COL22A1: variants seen among roughly 807,000 people sequenced by gnomAD.
The protein encoded by COL22A1 is collagen alpha-1(XXII) chain.
COL22A1 carries 221 observed loss-of-function variants against 248.9 expected under a neutral mutation model. That is an observed-to-expected ratio of 0.89 (90% CI 0.80 to 0.99). The LOEUF (loss-of-function observed/expected upper bound fraction) is 0.99. COL22A1 is among the 50% of genes least tolerant of loss of function. The pLI, the probability that COL22A1 is intolerant of heterozygous loss-of-function variation, is 0.00. For synonymous variants in COL22A1, 891 were observed against 793.4 expected, an observed-to-expected ratio of 1.12 and a Z score of -2.07; for missense variants, 2,240 against 2,179.0, an observed-to-expected ratio of 1.03 and a Z score of -0.56.
chr8:138,801,827 C>A (rs1216929742), intron 11 of COL22A1, among the ~76,000 whole-genome samples: 1 of 151,700 alleles, frequency 6.6e-6, no homozygotes, highest in African/African-American at 2.4e-5. Flanking sequence ...TTGCAGTGAG[C>A]AAAGATCATG....
chr8:138,676,179 A>C (rs1249038797), intron 41 of COL22A1, among the ~76,000 whole-genome samples: 1 of 151,876 alleles, frequency 6.6e-6, no homozygotes, highest in East Asian at 1.9e-4. Flanking sequence ...GGTGGATCAC[A>C]AGGTCAGGAG....
Position 138,778,381 on chromosome 8 carries a change from G to C in COL22A1, c.1730C>G (p.Pro577Arg). Reference sequence around the variant, plus strand: ...AGCTCCGACACGTCCAGGAGGTCCGGGGAGTCCAGGTGGTCCTTGGGGCCC... The same window carrying C: ...AGCTCCGACACGTCCAGGAGGTCCGCGGAGTCCAGGTGGTCCTTGGGGCCC... ...MRGPQGPPGL[P>R]GPPGRVGAPG... Residue 577 changes from proline (P) to arginine (R), a missense_variant, in exon 15 of 65, where the codon CCC becomes CGC. Coordinates refer to ENST00000303045, the MANE Select transcript of COL22A1 (RefSeq NM_152888.3). 1 of 1,611,088 alleles carries C rather than the reference G, an allele frequency of 6.2e-7. No individual in the cohort carries two copies. The highest frequency in any genetic ancestry group is 8.5e-7 in the Non-Finnish European group (1 of 1,179,062).
chr8:138,879,008 A>AAAAACAAAACAAAAC (rs71316369), intron 2 of COL22A1, among the ~76,000 whole-genome samples: 93 of 151,372 alleles, frequency 6.1e-4, no homozygotes, highest in South Asian at 8.4e-4. Context: ...ACTCTGTCTC[A>AAAAACAAAACAAAAC]AAAACAAAAC....
intron 47 of COL22A1, among the ~76,000 whole-genome samples, chr8:138,644,574 C>T (rs1384241657): frequency 6.6e-6 from 1 of 152,052 alleles, no homozygotes; most frequent in East Asian, 1.9e-4. Context: ...TTGGCCAACT[C>T]ACAGAGCACG....
intron 60 of COL22A1, 48 bp from the exon 61 acceptor site, chr8:138,598,946 G>T: frequency 6.3e-7 from 1 of 1,594,690 alleles, no homozygotes; most frequent in African/African-American, 1.3e-5. Flanking sequence ...GCTGGAAGCT[G>T]TACCCCATGC....
chr8:138,643,053 C>T (rs1821859437), intron 47 of COL22A1, among the ~76,000 whole-genome samples: 4 of 150,862 alleles, frequency 2.7e-5, no homozygotes, highest in Admixed American at 2.6e-4. Context: ...AAAGGCAATT[C>T]CCCCTCAGCA....
chr8:138,655,493 GGACC>G (rs1216520146), intron 45 of COL22A1, among the ~76,000 whole-genome samples: 44 of 152,138 alleles, frequency 2.9e-4, no homozygotes, highest in African/African-American at 1.0e-3. Context: ...TGAGTCGCTG[GGACC>G]ACAGGCACAT....
chr8:138,725,397 C>T lies in COL22A1; in HGVS notation c.2183G>A (p.Gly728Glu), dbSNP rs200961661. 50 of 1,614,044 alleles carry T rather than the reference C, an allele frequency of 3.1e-5. No homozygotes were observed. The Admixed American group carries it at 3.8e-4, about 12-fold the overall frequency. ...PPGVPGPPGP[G>E]GSPGLPGEIG... ...CAAAGCCAGTCTTACCGGAGAACCTCCCGGTCCAGGGGGGCCTGGGACACC... is the reference window on the plus strand; with the variant it reads ...CAAAGCCAGTCTTACCGGAGAACCTTCCGGTCCAGGGGGGCCTGGGACACC... The change falls in exon 24 of 65, where the codon GGA becomes GAA. Residue 728 changes from glycine to glutamate, a missense_variant. By Grantham distance (98) the Gly-to-Glu change is moderately conservative. Transcript: ENST00000303045.
In COL22A1 at chr8:138,715,692, C is replaced by T. The variant is rs532554832; in HGVS notation, c.2507G>A (p.Arg836Gln). The T allele has an allele frequency of 2.4e-5, 39 of 1,611,662 alleles. No individual in the cohort carries two copies. Among genetic ancestry groups the T allele is most frequent in the Admixed American group, 1.2e-4 (7 of 59,800 alleles). ...GCAAGTTTCTCCTACCTTTTCACCT[C>T]GGTCACCTTTCAGTCCTGGAAGTCC... ...ELGLPGLKGD[R>Q]GEKGEAGPAG... The change falls in exon 30 of 65, where the codon CGA (arginine) becomes CAA (glutamine). Residue 836 changes from arginine to glutamine, a missense_variant. Coordinates refer to ENST00000303045, the MANE Select transcript of COL22A1 (RefSeq NM_152888.3).
At chr8:138,597,150 C>T (rs993070822) in intron 61 of COL22A1, among the ~76,000 whole-genome samples, 180 bp from the exon 62 acceptor site, 1 of 152,172 alleles carries the variant, frequency 6.6e-6, no homozygotes, top group South Asian at 2.1e-4. Flanking sequence ...GTTATGCAGG[C>T]AGCATCATCC....
chr8:138,869,982 T>C (rs971278348), intron 3 of COL22A1, among the ~76,000 whole-genome samples: 1 of 152,142 alleles, frequency 6.6e-6, no homozygotes, highest in Non-Finnish European at 1.5e-5. Flanking sequence ...TGTATATATG[T>C]GTGTGGGGTG....
intron 30 of COL22A1, among the ~76,000 whole-genome samples, chr8:138,703,712 G>T (rs538242004): frequency 6.6e-6 from 1 of 152,288 alleles, no homozygotes; most frequent in South Asian, 2.1e-4. Context: ...CCCAGTGTGA[G>T]TAATGCAGAA....
At chr8:138,736,023 G>T (rs1234304436) in intron 23 of COL22A1, among the ~76,000 whole-genome samples, 1 of 152,138 alleles carries the variant, frequency 6.6e-6, no homozygotes, top group Admixed American at 6.5e-5. Context: ...GCAGTGACTT[G>T]TGCCCACCTG....
At chr8:138,863,690 C>T (rs1822656243) in intron 3 of COL22A1, among the ~76,000 whole-genome samples, 1 of 152,178 alleles carries the variant, frequency 6.6e-6, no homozygotes, top group Non-Finnish European at 1.5e-5. Flanking sequence ...CTGCCTCCTG[C>T]AGTTTTACTT....
chr8:138,670,536 C>A (rs11989534), intron 41 of COL22A1, among the ~76,000 whole-genome samples: 9,009 of 152,062 alleles, frequency 0.059, 630 homozygotes, highest in African/African-American at 0.17. Flanking sequence ...CTTGGGACAG[C>A]GTCAGTGGCT....
intron 41 of COL22A1, among the ~76,000 whole-genome samples, chr8:138,667,430 G>GAAGAC (rs1312048852): frequency 2.6e-5 from 4 of 152,138 alleles, no homozygotes; most frequent in Middle Eastern, 3.2e-3. Context: ...CCCATTGGCA[G>GAAGAC]AAGACAAGAC....
chr8:138,775,994 C>T lies in COL22A1; in HGVS notation c.1775G>A (p.Arg592Gln), dbSNP rs1298017320. Residue 592 changes from arginine (R) to glutamine (Q), a missense_variant, in exon 16 of 65, where the codon CGA becomes CAA. Transcript: ENST00000303045. ...RVGAPGLQGE[R>Q]GEKGTRGEKG... ...TTCTCCTCGAGTTCCCTTTTCACCT[C>T]GTTCTCCTTGGAGACCCTGGGGGAC... is the stretch of plus-strand genomic sequence containing the variant. 2 of 1,614,030 alleles carry T rather than the reference C, an allele frequency of 1.2e-6. No individual in the cohort carries two copies. Among genetic ancestry groups the T allele is most frequent in the East Asian group, 2.2e-5 (1 of 44,884 alleles).
intron 60 of COL22A1, among the ~76,000 whole-genome samples, chr8:138,600,916 A>G (rs1817949520): frequency 6.6e-6 from 1 of 152,204 alleles, no homozygotes; most frequent in Non-Finnish European, 1.5e-5. Flanking sequence ...TTCATTAAAT[A>G]TCTCACAATC....
chr8:138,864,880 T>C (rs1822743017), intron 3 of COL22A1, among the ~76,000 whole-genome samples: 1 of 152,154 alleles, frequency 6.6e-6, no homozygotes. Context: ...AGACAGAAAA[T>C]GTCTTCAGTA....
Sources: gnomAD v4.1 joint callset for allele counts (sites outside exome capture counted in the v4.1 genomes callset) on GRCh38, gnomAD v4.1.1 for gene constraint, MANE v1.5 for transcripts, NCBI Gene and HGNC (gene_info 2026-07-23, HGNC 2026-07-21) for gene names.